CCDC102B: variants seen among roughly 807,000 people sequenced by gnomAD.
The protein encoded by CCDC102B is coiled-coil domain-containing protein 102B.
Under a neutral mutation model 57.4 loss-of-function variants are expected in CCDC102B, and 75 were observed. The observed-to-expected ratio is 1.31, with a 90% CI of 1.08 to 1.58. The LOEUF (loss-of-function observed/expected upper bound fraction) is 1.58. Ranked by LOEUF, CCDC102B falls within the 40% of genes most tolerant of loss-of-function variation. CCDC102B has a pLI of 0.00. For missense variants in CCDC102B, 636 were observed against 582.6 expected, an observed-to-expected ratio of 1.09 and a Z score of -0.94; for synonymous variants, 206 against 201.9, an observed-to-expected ratio of 1.02 and a Z score of -0.17.
chr18:68,992,525 G>A (rs1271208749), intron 6 of CCDC102B, among the ~76,000 whole-genome samples: 2 of 152,156 alleles, frequency 1.3e-5, no homozygotes, highest in East Asian at 1.9e-4. Flanking sequence ...CCTTCCACAC[G>A]AGTAGAGCAG....
At chr18:68,950,088 A>T (rs1174852220) in intron 6 of CCDC102B, among the ~76,000 whole-genome samples, 1 of 152,160 alleles carries the variant, frequency 6.6e-6, no homozygotes, top group Non-Finnish European at 1.5e-5. Flanking sequence ...TATTCAAGAT[A>T]ACATGAGATG....
At chr18:68,768,810 T>A (rs895912153) in intron 2 of CCDC102B, among the ~76,000 whole-genome samples, 2 of 152,102 alleles carry the variant, frequency 1.3e-5, no homozygotes, top group Non-Finnish European at 2.9e-5. Flanking sequence ...TAAGATATAG[T>A]GTTTACTCTG....
At chr18:68,758,501 C>G (rs1396529746) in intron 2 of CCDC102B, among the ~76,000 whole-genome samples, 2 of 151,874 alleles carry the variant, frequency 1.3e-5, no homozygotes, top group Non-Finnish European at 2.9e-5. Context: ...TGCTCTAGTG[C>G]ACCATTATCA....
chr18:68,913,379 G>T (rs1453731162), intron 6 of CCDC102B, among the ~76,000 whole-genome samples: 2 of 145,038 alleles, frequency 1.4e-5, no homozygotes, highest in African/African-American at 2.5e-5. Flanking sequence ...AGGGGTGGTG[G>T]CTCACGCCTA....
intron 6 of CCDC102B, among the ~76,000 whole-genome samples, chr18:68,911,549 G>T (rs866371300): frequency 6.7e-6 from 1 of 149,816 alleles, no homozygotes; most frequent in Non-Finnish European, 1.5e-5. Flanking sequence ...TCAGGAGATC[G>T]AGACCATCCT....
chr18:68,767,673 G>GCT (rs1275498203), intron 2 of CCDC102B, among the ~76,000 whole-genome samples: 1 of 152,078 alleles, frequency 6.6e-6, no homozygotes, highest in African/African-American at 2.4e-5. Context: ...TCTCTGAAAA[G>GCT]CTCATTCATA....
intron 6 of CCDC102B, among the ~76,000 whole-genome samples, chr18:68,925,897 C>A (rs1286486882): frequency 6.6e-6 from 1 of 151,898 alleles, no homozygotes; most frequent in Non-Finnish European, 1.5e-5. Flanking sequence ...CAATATATAT[C>A]TCTGAGACAT....
intron 6 of CCDC102B, among the ~76,000 whole-genome samples, chr18:69,003,563 A>G (rs2051262100): frequency 6.6e-6 from 1 of 152,194 alleles, no homozygotes; most frequent in South Asian, 2.1e-4. Flanking sequence ...CCCTGATTGC[A>G]TTTGCTGAGT....
upstream of CCDC102B, among the ~76,000 whole-genome samples, chr18:68,794,746 G>A (rs1210381974): frequency 1.1e-4 from 16 of 152,076 alleles, no homozygotes; most frequent in Admixed American, 9.8e-4. Flanking sequence ...GTGCACAGGG[G>A]TATTATAACC....
chr18:68,778,116 A>G (rs1383570997), intron 2 of CCDC102B, among the ~76,000 whole-genome samples: 1 of 152,152 alleles, frequency 6.6e-6, no homozygotes, highest in African/African-American at 2.4e-5. Context: ...TATGACCGTC[A>G]GATGTGCTTG....
Position 68,996,958 on chromosome 18 carries a change from G to A in CCDC102B, c.1264-13976G>A, listed in dbSNP as rs151012850. Among the ~76,000 whole-genome samples the A allele has an allele frequency of 7.2e-3, 1,090 of 152,312 alleles. 14 individuals are homozygous for A. The highest frequency in any genetic ancestry group is 0.01 in the Admixed American group (155 of 15,300). ...TCCTCATGTTTCAAAGGAGAAACCA[G>A]ATGGAGCTAATTGAATTATGGGGGT... On this transcript the variant is annotated intron_variant, in intron 6 of 7. Coordinates refer to ENST00000360242, the MANE Select transcript of CCDC102B (RefSeq NM_024781.3).
intron 7 of CCDC102B, among the ~76,000 whole-genome samples, chr18:69,047,976 A>G (rs961193212): frequency 3.3e-5 from 5 of 152,286 alleles, no homozygotes; most frequent in African/African-American, 1.2e-4. Context: ...CTTACAGATT[A>G]AATGCTATTC....
intron 6 of CCDC102B, among the ~76,000 whole-genome samples, chr18:68,996,856 A>C (rs1156496127): frequency 6.6e-6 from 1 of 152,160 alleles, no homozygotes; most frequent in Non-Finnish European, 1.5e-5. Flanking sequence ...GAGATTTGGG[A>C]GGGGCCAGGG....
At chr18:68,956,342 A>ATATATATAAAATATATAATG (rs1354604251) in intron 6 of CCDC102B, among the ~76,000 whole-genome samples, 1 of 44,234 alleles carries the variant, frequency 2.3e-5, no homozygotes, top group African/African-American at 7.1e-5. Flanking sequence ...TATATATAAT[A>ATATATATAAAATATATAATG]TATATATTAA....
rs12327316 is a variant in CCDC102B at position 68,855,931 on chromosome 18, A to G, written c.936+9510A>G. 7.9e-3 allele frequency among the ~76,000 whole-genome samples: 1,208 copies of G among 152,290 alleles called. 16 individuals carry two copies. Among genetic ancestry groups the G allele is most frequent in the African/African-American group, 0.028 (1,164 of 41,580 alleles). Reference sequence around the variant, plus strand: ...AGGCAAGAAACAAAAATTTTTAAATATTATTTTTCTTAAGTGAAAATTTAG... The same window carrying G: ...AGGCAAGAAACAAAAATTTTTAAATGTTATTTTTCTTAAGTGAAAATTTAG... On this transcript the variant is annotated intron_variant, in intron 4 of 7. Transcript: ENST00000360242.
upstream of CCDC102B, among the ~76,000 whole-genome samples, chr18:68,796,093 G>A (rs552431210): frequency 6.6e-5 from 10 of 152,236 alleles, no homozygotes; most frequent in South Asian, 1.2e-3. Context: ...CATAAGTACC[G>A]GAAATAGACT....
intron 6 of CCDC102B, among the ~76,000 whole-genome samples, chr18:68,950,523 A>G (rs1305879897): frequency 6.6e-6 from 1 of 152,138 alleles, no homozygotes; most frequent in Non-Finnish European, 1.5e-5. Flanking sequence ...TATTTGTAAT[A>G]CATAACTTTT....
intron 6 of CCDC102B, among the ~76,000 whole-genome samples, chr18:68,960,136 C>T (rs1356714491): frequency 6.6e-6 from 1 of 152,180 alleles, no homozygotes; most frequent in Admixed American, 6.5e-5. Context: ...AGAGTCTTAC[C>T]TAAGGCTCAC....
chr18:68,898,681 T>C (rs1476806026), intron 6 of CCDC102B, among the ~76,000 whole-genome samples: 1 of 152,152 alleles, frequency 6.6e-6, no homozygotes, highest in African/African-American at 2.4e-5. Flanking sequence ...CTGTTCTATA[T>C]GCAGGTAATG....
Sources: allele counts gnomAD v4.1 joint callset (sites outside exome capture counted in the v4.1 genomes callset), GRCh38; gene constraint gnomAD v4.1.1; transcripts MANE v1.5; gene names NCBI Gene and HGNC (gene_info 2026-07-23, HGNC 2026-07-21).